NBAS: variants seen among roughly 807,000 people sequenced by gnomAD.
The protein encoded by NBAS is NBAS subunit of NRZ tethering complex, also known as NAG/BC035112 fusion.
Under a neutral mutation model 302.5 loss-of-function variants are expected in NBAS, and 219 were observed. The ratio of observed to expected loss-of-function variants is 0.72; its 90% CI spans 0.65 to 0.81. The LOEUF (loss-of-function observed/expected upper bound fraction) is 0.81, where lower values mean the gene tolerates loss of function less well. Ranked by LOEUF, NBAS falls within the 30% of genes least tolerant of loss-of-function variation. The probability of loss-of-function intolerance (pLI) is 0.00; values close to 1 mark genes in which losing one functional copy is unlikely to be tolerated. For missense variants in NBAS, 2,932 were observed against 2,841.6 expected, an observed-to-expected ratio of 1.03 and a Z score of -0.72; for synonymous variants, 1,118 against 1,021.6, an observed-to-expected ratio of 1.09 and a Z score of -1.80.
chr2:15,514,805 G>T (rs1231192889), intron 9 of NBAS, among the ~76,000 whole-genome samples: 1 of 151,978 alleles, frequency 6.6e-6, no homozygotes, highest in Non-Finnish European at 1.5e-5. Context: ...TTATGTCCTG[G>T]GTATTGCAAG....
the NBAS span, among the ~76,000 whole-genome samples, chr2:14,997,848 G>A: frequency 6.6e-6 from 1 of 152,174 alleles, no homozygotes. Flanking sequence ...GGAGCCAAGA[G>A]ATGAGTCAGA....
intron 39 of NBAS, 88 bp from the exon 40 acceptor site, chr2:15,308,441 AT>A (rs1357351807): frequency 2.0e-6 from 3 of 1,519,052 alleles, no homozygotes; most frequent in Non-Finnish European, 2.7e-6. Flanking sequence ...ATTCCTGCAG[AT>A]TTTTTGTACA....
the NBAS span, among the ~76,000 whole-genome samples, chr2:14,949,836 A>C: frequency 4.9e-4 from 74 of 152,204 alleles, no homozygotes; most frequent in Non-Finnish European, 8.8e-4. Context: ...TGTAAAGCTT[A>C]AAAAGTGGAC....
intron 9 of NBAS, among the ~76,000 whole-genome samples, chr2:15,531,506 A>G (rs1229892525): frequency 6.6e-6 from 1 of 152,208 alleles, no homozygotes; most frequent in African/African-American, 2.4e-5. Flanking sequence ...AAAGTCTGTG[A>G]TAAGTACATT....
At chr2:15,545,184 C>T (rs536504930) in intron 6 of NBAS, among the ~76,000 whole-genome samples, 3 of 151,852 alleles carry the variant, frequency 2.0e-5, no homozygotes, top group Admixed American at 1.3e-4. Context: ...TTAAATTAGA[C>T]GTAATTAACA....
At chr2:15,320,722 C>T (rs1671761890) in intron 38 of NBAS, among the ~76,000 whole-genome samples, 1 of 151,418 alleles carries the variant, frequency 6.6e-6, no homozygotes, top group African/African-American at 2.4e-5. Flanking sequence ...AGGAGAACTA[C>T]AAACCACTGC....
At chr2:15,472,555 C>G (rs1321594221) in intron 16 of NBAS, among the ~76,000 whole-genome samples, 2 of 152,152 alleles carry the variant, frequency 1.3e-5, no homozygotes, top group African/African-American at 4.8e-5. Context: ...CTGGGGTCTT[C>G]TAAACCCCAA....
intron 48 of NBAS, among the ~76,000 whole-genome samples, chr2:15,211,852 G>T (rs1044327930): frequency 6.6e-6 from 1 of 152,104 alleles, no homozygotes; most frequent in African/African-American, 2.4e-5. Context: ...ACACATTAAG[G>T]CCATGAAGAA....
chr2:15,153,941 G>C, the NBAS span, among the ~76,000 whole-genome samples: 1 of 152,204 alleles, frequency 6.6e-6, no homozygotes, highest in Non-Finnish European at 1.5e-5. Flanking sequence ...TTAGGAGCTT[G>C]GAAATAAAGG....
intron 12 of NBAS, among the ~76,000 whole-genome samples, chr2:15,480,935 T>A (rs1680404324): frequency 6.6e-6 from 1 of 152,186 alleles, no homozygotes; most frequent in South Asian, 2.1e-4. Context: ...AAAACACTTC[T>A]ATCACTCCAA....
intron 44 of NBAS, among the ~76,000 whole-genome samples, chr2:15,239,530 A>G (rs1309723734): frequency 6.6e-6 from 1 of 151,798 alleles, no homozygotes. Context: ...CAAAAGGCTG[A>G]AATCCAAAAT....
chr2:15,287,057 T>C lies in NBAS; in HGVS notation c.5138+16A>G. The C allele has an allele frequency of 1.3e-6, 2 of 1,556,532 alleles. No individual in the cohort carries two copies. The highest frequency in any genetic ancestry group is 8.9e-7 in the Non-Finnish European group (1 of 1,127,518). ...AAAGACATGGAAACAAACGTACATA[T>C]GAACTGTGTGCTTACCCACTGTCCG... On this transcript the variant is annotated intron_variant, in intron 42 of 51. Transcript: ENST00000281513.
chr2:15,127,389 A>C, the NBAS span, among the ~76,000 whole-genome samples: 2 of 152,232 alleles, frequency 1.3e-5, no homozygotes, highest in Non-Finnish European at 2.9e-5. Flanking sequence ...AGCAACAAAG[A>C]CCAGCCAGAT....
the NBAS span, among the ~76,000 whole-genome samples, chr2:15,095,511 C>T: frequency 2.6e-5 from 4 of 152,188 alleles, no homozygotes; most frequent in African/African-American, 9.7e-5. Flanking sequence ...CCACCAGTTC[C>T]CTCCCACCAC....
At chr2:14,846,207 C>A in the NBAS span, among the ~76,000 whole-genome samples, 1 of 152,236 alleles carries the variant, frequency 6.6e-6, no homozygotes, top group East Asian at 1.9e-4. Context: ...GTCTGCCAGC[C>A]ATTTTTTTCA....
chr2:15,038,973 A>G, the NBAS span, among the ~76,000 whole-genome samples: 1 of 152,208 alleles, frequency 6.6e-6, no homozygotes, highest in East Asian at 1.9e-4. Flanking sequence ...TGGTAAATCC[A>G]TCTCTGCTCT....
At chr2:14,861,170 A>G in the NBAS span, among the ~76,000 whole-genome samples, 1 of 152,198 alleles carries the variant, frequency 6.6e-6, no homozygotes, top group East Asian at 1.9e-4. Context: ...CTATGCACTT[A>G]CAACTCTAAT....
intron 9 of NBAS, among the ~76,000 whole-genome samples, chr2:15,522,564 A>T (rs988801030): frequency 6.6e-6 from 1 of 152,210 alleles, no homozygotes; most frequent in African/African-American, 2.4e-5. Flanking sequence ...GATATTACAT[A>T]TGCATTCAAG....
At chr2:15,515,872 C>T (rs1333668094) in intron 9 of NBAS, among the ~76,000 whole-genome samples, 3 of 152,056 alleles carry the variant, frequency 2.0e-5, no homozygotes, top group African/African-American at 4.8e-5. Flanking sequence ...ATTGAAAGTC[C>T]ACATTTCTCA....
Sources: gnomAD v4.1 joint callset for allele counts (sites outside exome capture counted in the v4.1 genomes callset) on GRCh38, gnomAD v4.1.1 for gene constraint, MANE v1.5 for transcripts, NCBI Gene and HGNC (gene_info 2026-07-23, HGNC 2026-07-21) for gene names.